The following CNGB3 variants were observed in gnomAD, a reference collection of about 807,000 sequenced individuals.
CNGB3 encodes cyclic nucleotide-gated channel beta-3.
Under a neutral mutation model 92.8 loss-of-function variants are expected in CNGB3, and 86 were observed. That is an observed-to-expected ratio of 0.93 (90% confidence interval 0.78 to 1.11). The LOEUF is 1.11. CNGB3 is among the 50% of genes least tolerant of loss of function. The pLI is 0.00. For synonymous variants in CNGB3, 333 were observed against 332.7 expected (o/e 1.00, Z -0.01); for missense variants, 1,026 against 956.8 (o/e 1.07, Z -0.95).
In CNGB3 at chr8:86,667,105, A is replaced by G. The variant is rs2131615139; in HGVS notation, c.672T>C (p.Leu224=). 3.1e-6 allele frequency: 5 copies of G among 1,614,118 alleles called. No individual in the cohort carries two copies. Among genetic ancestry groups the G allele is most frequent in the Non-Finnish European group, 4.2e-6 (5 of 1,179,964 alleles). The part of the protein sequence containing the change: ...TDRLYLLWLL[L]VTLAYNWNCC... ...AGTTCCAGTTATAGGCAAGAGTGAC[A>G]AGCAAGAGCCACAGGAGATAGAGTC... Residue 224 remains leucine, a synonymous_variant, in exon 6 of 18, where the codon CTT becomes CTC. Transcript: ENST00000320005.
rs369221871 is a variant in CNGB3, at chr8:86,651,621, T to C, written c.903+2391A>G. Among the ~76,000 whole-genome samples the C allele has an allele frequency of 2.0e-5, 3 of 151,998 alleles. No homozygotes were observed. The East Asian group carries it at 5.8e-4, about 29-fold the overall frequency. On this transcript the variant is annotated intron_variant, in intron 7 of 17. Coordinates refer to ENST00000320005, the MANE Select transcript of CNGB3 (RefSeq NM_019098.5). Reference sequence around the variant, plus strand: ...TAACGATCTTTTTGCTTGCTTTCTATTCAATTCCTCAACTCCCCTCTCAAC... The same window carrying C: ...TAACGATCTTTTTGCTTGCTTTCTACTCAATTCCTCAACTCCCCTCTCAAC...
At chr8:86,631,615 T>C (rs1350127890) in intron 11 of CNGB3, among the ~76,000 whole-genome samples, 2 of 152,210 alleles carry the variant, frequency 1.3e-5, no homozygotes, top group African/African-American at 4.8e-5. Flanking sequence ...GATTTGAATT[T>C]AGTATCTCTC....
intron 3 of CNGB3, among the ~76,000 whole-genome samples, chr8:86,677,042 A>G (rs1305527830): frequency 1.3e-5 from 2 of 152,210 alleles, no homozygotes; most frequent in Non-Finnish European, 2.9e-5. Context: ...ATGCCATGTG[A>G]CAACAGTGGC....
intron 13 of CNGB3, 56 bp downstream of exon 13, chr8:86,625,927 A>G (rs1263172110): frequency 1.8e-5 from 25 of 1,374,572 alleles, no homozygotes; most frequent in Non-Finnish European, 2.4e-5. Flanking sequence ...ATAAATCAAG[A>G]GCTTAGATTC....
At chr8:86,709,358 G>C (rs1357421271) in intron 3 of CNGB3, among the ~76,000 whole-genome samples, 2 of 152,144 alleles carry the variant, frequency 1.3e-5, no homozygotes, top group Admixed American at 1.3e-4. Flanking sequence ...CTAGCATAGA[G>C]TAACACAGTT....
intron 3 of CNGB3, among the ~76,000 whole-genome samples, chr8:86,705,089 A>G (rs6999648): frequency 0.28 from 42,936 of 151,896 alleles, 6,342 homozygotes; most frequent in East Asian, 0.4. Flanking sequence ...ACTCCTCCCC[A>G]CACCTCCCAA....
chr8:86,706,600 C>T (rs1390098238), intron 3 of CNGB3, among the ~76,000 whole-genome samples: 1 of 152,324 alleles, frequency 6.6e-6, no homozygotes, highest in East Asian at 1.9e-4. Context: ...CTGTGTCCCT[C>T]AGCCTGATAC....
chr8:86,652,053 T>C (rs1400923282), intron 7 of CNGB3, among the ~76,000 whole-genome samples: 2 of 152,100 alleles, frequency 1.3e-5, no homozygotes, highest in East Asian at 3.9e-4. Context: ...CCTAGGAGCA[T>C]GTTACTGTAC....
chr8:86,616,202 A>G (rs1022148964), intron 13 of CNGB3, among the ~76,000 whole-genome samples: 1 of 152,200 alleles, frequency 6.6e-6, no homozygotes, highest in African/African-American at 2.4e-5. Flanking sequence ...TTTTATTAAC[A>G]TACTTGGATA....
rs551552044 is a variant in CNGB3 at position 86,618,588 on chromosome 8, T to C, written c.1579-6917A>G. Among the ~76,000 whole-genome samples, 6 of 152,320 alleles carry C rather than the reference T, an allele frequency of 3.9e-5. No individual in the cohort carries two copies. The South Asian group carries it at 1.2e-3, about 32-fold the overall frequency. ...TAGCTGGGCAGTAGCCCTCCATGTC[T>C]GGCTCAGTGCTTTAGACAGGTCAAC... On this transcript the variant is annotated intron_variant, in intron 13 of 17. Coordinates refer to ENST00000320005, the MANE Select transcript of CNGB3 (RefSeq NM_019098.5).
chr8:86,650,607 A>G (rs1227410742), intron 7 of CNGB3, among the ~76,000 whole-genome samples: 1 of 151,726 alleles, frequency 6.6e-6, no homozygotes, highest in Non-Finnish European at 1.5e-5. Context: ...AATTAAAACC[A>G]CAATGAGATG....
chr8:86,580,191 G>C (rs940472140), intron 15 of CNGB3, among the ~76,000 whole-genome samples: 1 of 59,184 alleles, frequency 1.7e-5, no homozygotes, highest in Non-Finnish European at 4.1e-5. Flanking sequence ...AGAATAGCAC[G>C]GGGGGGGTGG....
At chr8:86,692,678 T>C (rs925854705) in intron 3 of CNGB3, among the ~76,000 whole-genome samples, 10 of 152,228 alleles carry the variant, frequency 6.6e-5, no homozygotes, top group African/African-American at 1.4e-4. Flanking sequence ...TTTTATCCTT[T>C]CTGCCATTCT....
In CNGB3 at chr8:86,672,126, T is replaced by C. The variant is rs114032792; in HGVS notation, c.339-1028A>G. On this transcript the variant is annotated intron_variant, in intron 3 of 17. Coordinates refer to ENST00000320005, the MANE Select transcript of CNGB3 (RefSeq NM_019098.5). ...TTTTTGTTTGTTTGTTTGGACTGAGTCTCACGTTGTCGCCCAGGCTGGAGT... is the reference window on the plus strand; with the variant it reads ...TTTTTGTTTGTTTGTTTGGACTGAGCCTCACGTTGTCGCCCAGGCTGGAGT... 4.7e-3 allele frequency among the ~76,000 whole-genome samples: 710 copies of C among 152,222 alleles called. 3 individuals are homozygous for C. Among genetic ancestry groups the C allele is most frequent in the African/African-American group, 0.015 (631 of 41,550 alleles).
At chr8:86,660,763 A>G (rs1823625313) in intron 6 of CNGB3, 1 of 523,630 alleles carries the variant, frequency 1.9e-6, no homozygotes, top group African/African-American at 1.9e-5. Flanking sequence ...ACACCACTCA[A>G]ACAAATGGAG....
At chr8:86,616,408 TATG>T (rs1822624073) in intron 13 of CNGB3, among the ~76,000 whole-genome samples, 1 of 152,212 alleles carries the variant, frequency 6.6e-6, no homozygotes, top group African/African-American at 2.4e-5. Flanking sequence ...AAGTTTGCAT[TATG>T]ATGTCATTAT....
chr8:86,691,964 T>A (rs1462818676), intron 3 of CNGB3, among the ~76,000 whole-genome samples: 1 of 152,214 alleles, frequency 6.6e-6, no homozygotes, highest in Admixed American at 6.5e-5. Flanking sequence ...TTAATGTTCA[T>A]CTTGATTTCA....
At chr8:86,659,241 G>A (rs1823582492) in intron 6 of CNGB3, 3 of 755,506 alleles carry the variant, frequency 4.0e-6, no homozygotes, top group Admixed American at 1.8e-5. Context: ...CAGATTTTCA[G>A]TATATTGGTC....
intron 15 of CNGB3, among the ~76,000 whole-genome samples, chr8:86,588,763 C>A (rs1290635950): frequency 6.6e-6 from 1 of 151,252 alleles, no homozygotes; most frequent in Non-Finnish European, 1.5e-5. Context: ...AGGATTTTTG[C>A]ATCAATGTTC....
Sources: allele counts gnomAD v4.1 joint callset (sites outside exome capture counted in the v4.1 genomes callset), GRCh38; gene constraint gnomAD v4.1.1; transcripts MANE v1.5; gene names NCBI Gene and HGNC (gene_info 2026-07-23, HGNC 2026-07-21).